ST7: variants seen among roughly 807,000 people sequenced by gnomAD.
ST7 encodes the protein suppression of tumorigenicity 7, also known as suppressor of tumorigenicity 7 protein.
ST7 carries 28 observed loss-of-function variants against 78.7 expected under a neutral mutation model. The ratio of observed to expected loss-of-function variants is 0.36; its 90% confidence interval spans 0.26 to 0.49. The LOEUF (loss-of-function observed/expected upper bound fraction) is 0.49. Among genes scored for constraint, ST7 ranks in the 20% least tolerant of loss-of-function variants. ST7 has a pLI of 0.99. For synonymous variants in ST7, 247 were observed against 249.6 expected, an observed-to-expected ratio of 0.99 and a Z score of 0.10; for missense variants, 418 against 696.0, an observed-to-expected ratio of 0.60 and a Z score of 4.49.
At chr7:117,204,202 G>C (rs928401620) in intron 12 of ST7, among the ~76,000 whole-genome samples, 6 of 152,132 alleles carry the variant, frequency 3.9e-5, no homozygotes, top group Admixed American at 6.5e-5. Flanking sequence ...TGTATATGTG[G>C]AAAACACAAA....
At chr7:117,170,821 T>C in intron 9 of ST7, 41 bp from the exon 10 acceptor site, 2 of 971,162 alleles carry the variant, frequency 2.1e-6, no homozygotes, top group Non-Finnish European at 3.0e-6. Context: ...TTATAAGACA[T>C]ACATAATATA....
intron 15 of ST7, 137 bp from the exon 16 acceptor site, chr7:117,229,625 A>G (rs753702966): frequency 4.2e-6 from 3 of 722,116 alleles, no homozygotes; most frequent in East Asian, 4.9e-5. Context: ...GTTTCCTGTA[A>G]ACATAAAGAT....
At chr7:117,014,762 G>A (rs866332347) in intron 1 of ST7, 3 of 340,046 alleles carry the variant, frequency 8.8e-6, no homozygotes, top group African/African-American at 6.3e-5. Context: ...GGAGGGAAAT[G>A]GGAGTAAATA....
intron 8 of ST7, among the ~76,000 whole-genome samples, chr7:117,138,160 C>A (rs1300307856): frequency 6.6e-6 from 1 of 152,146 alleles, no homozygotes; most frequent in Non-Finnish European, 1.5e-5. Flanking sequence ...TGCTTGTAAA[C>A]CGTATACACT....
chr7:117,091,037 G>GCCCA (rs1378123453), intron 1 of ST7, among the ~76,000 whole-genome samples: 3 of 152,236 alleles, frequency 2.0e-5, no homozygotes, highest in Non-Finnish European at 4.4e-5. Context: ...AGAGCCAGAT[G>GCCCA]CCCAGTACAG....
At chr7:117,048,653 A>G (rs1797612872) in intron 1 of ST7, among the ~76,000 whole-genome samples, 1 of 152,136 alleles carries the variant, frequency 6.6e-6, no homozygotes, top group African/African-American at 2.4e-5. Context: ...TTTCCTTGAT[A>G]GGCTCTGTCG....
At chr7:117,132,089 CTATT>C in intron 6 of ST7, 129 bp downstream of exon 6, 1 of 960,128 alleles carries the variant, frequency 1.0e-6, no homozygotes, top group Non-Finnish European at 1.5e-6. Flanking sequence ...AGTTATTACT[CTATT>C]TAAAAAAGTT....
At position 117,031,834 on chromosome 7, in the gene ST7, C is replaced by CA. The variant is rs1446945623; in HGVS notation, c.152-67928_152-67927insA. On this transcript the variant is annotated intron_variant, in intron 1 of 15. Transcript: ENST00000323984. ...TATATGCATATATCTATATCTATAT[C>CA]TATATCTATATCTATATCTATATCT... Among the ~76,000 whole-genome samples the CA allele has an allele frequency of 0.016, 1,481 of 94,124 alleles. 76 individuals are homozygous for CA. The East Asian group carries it at 0.18, about 12-fold the overall frequency. The allele number at this position is 94,124 out of a possible 152,430, so 61.7% of individuals were successfully genotyped here. A position where few individuals can be genotyped will look rare whatever the true frequency, so the allele number is the denominator to read the frequency against.
chr7:117,021,836 G>T (rs1795930680), intron 1 of ST7, among the ~76,000 whole-genome samples: 2 of 152,086 alleles, frequency 1.3e-5, no homozygotes, highest in African/African-American at 4.8e-5. Context: ...AATAATTTAG[G>T]CATAATTTTT....
intron 1 of ST7, among the ~76,000 whole-genome samples, chr7:117,009,021 C>T (rs1410018428): frequency 6.6e-6 from 1 of 152,052 alleles, no homozygotes; most frequent in Non-Finnish European, 1.5e-5. Context: ...TTGTTTATGA[C>T]TATTTTTGCA....
intron 5 of ST7, among the ~76,000 whole-genome samples, chr7:117,131,377 T>C (rs1186424662): frequency 1.3e-5 from 2 of 151,838 alleles, no homozygotes; most frequent in Non-Finnish European, 2.9e-5. Flanking sequence ...AAAGCTAGGT[T>C]TGCAGGTAAA....
intron 2 of ST7, among the ~76,000 whole-genome samples, chr7:117,114,674 T>C (rs1238299243): frequency 6.6e-6 from 1 of 152,196 alleles, no homozygotes; most frequent in Non-Finnish European, 1.5e-5. Context: ...TGTGTGGAAA[T>C]CTGGAGGCAT....
chr7:117,130,577 A>C lies in ST7; in HGVS notation c.536A>C (p.Asp179Ala). ...AQDHQTFFTC[D>A]SDHLRPADAI... Reference sequence around the variant, plus strand: ...GACCACCAGACATTCTTTACTTGTGACTCGGACCATCTGCGTCCCGCAGAT... The same window carrying C: ...GACCACCAGACATTCTTTACTTGTGCCTCGGACCATCTGCGTCCCGCAGAT... The change falls in exon 5 of 16, where the codon GAC becomes GCC. Residue 179 changes from aspartate to alanine, a missense_variant. Coordinates refer to ENST00000323984, the MANE Select transcript of ST7 (RefSeq NM_001369598.1). 3 of 1,611,048 alleles carry C rather than the reference A, an allele frequency of 1.9e-6. No homozygotes were observed. Among genetic ancestry groups the C allele is most frequent in the East Asian group, 2.2e-5 (1 of 44,710 alleles).
chr7:117,162,892 T>C (rs1807266685), intron 9 of ST7, among the ~76,000 whole-genome samples: 1 of 152,126 alleles, frequency 6.6e-6, no homozygotes, highest in Non-Finnish European at 1.5e-5. Flanking sequence ...GCTATAATTT[T>C]GTATCTTTTA....
At chr7:117,161,085 A>G (rs1255406732) in intron 9 of ST7, among the ~76,000 whole-genome samples, 2 of 150,226 alleles carry the variant, frequency 1.3e-5, no homozygotes, top group Non-Finnish European at 1.5e-5. Context: ...ATATTGTTCA[A>G]TCAAGGACAC....
rs994791173 is a variant in ST7 at position 117,153,519 on chromosome 7, A to T, written c.963+14987A>T. Among the ~76,000 whole-genome samples, 10 of 152,316 alleles carry T rather than the reference A, an allele frequency of 6.6e-5. No individual in the cohort carries two copies. In the East Asian group the frequency reaches 1.7e-3, roughly 27 times the overall value. On this transcript the variant is annotated intron_variant, in intron 9 of 15. Transcript: ENST00000323984. ...ACTTAAAAGAAGTGGCCAGAGAAGTAGGAAAAAAGTTTAGGACACTGTTGT... is the reference window on the plus strand; with the variant it reads ...ACTTAAAAGAAGTGGCCAGAGAAGTTGGAAAAAAGTTTAGGACACTGTTGT...
At chr7:117,171,111 T>A in intron 10 of ST7, 135 bp downstream of exon 10, 1 of 479,774 alleles carries the variant, frequency 2.1e-6, no homozygotes, top group Admixed American at 3.9e-5. Flanking sequence ...CCTACAGTTT[T>A]ATGATGGTGT....
At chr7:117,069,510 G>GTTT (rs1378977886) in intron 1 of ST7, among the ~76,000 whole-genome samples, 2 of 152,132 alleles carry the variant, frequency 1.3e-5, no homozygotes. Context: ...ACGTAATTCA[G>GTTT]TTTTTCCCTT....
intron 5 of ST7, among the ~76,000 whole-genome samples, chr7:117,131,196 G>A (rs1382679635): frequency 6.6e-6 from 1 of 151,174 alleles, no homozygotes; most frequent in Non-Finnish European, 1.5e-5. Flanking sequence ...TTTTTGAAAG[G>A]GAACCTCTAC....
Sources: allele counts gnomAD v4.1 joint callset (sites outside exome capture counted in the v4.1 genomes callset), GRCh38; gene constraint gnomAD v4.1.1; transcripts MANE v1.5; gene names NCBI Gene and HGNC (gene_info 2026-07-23, HGNC 2026-07-21).